Variants in FAM13B observed in about 807,000 individuals in gnomAD.
FAM13B encodes the protein family with sequence similarity 13 member B.
In FAM13B, 60 loss-of-function variants were observed where a neutral mutation model predicts 117.3. The observed-to-expected ratio is 0.51, with a 90% confidence interval of 0.42 to 0.63. FAM13B has a LOEUF of 0.63. Ranked by LOEUF, FAM13B falls within the 30% of genes least tolerant of loss-of-function variation. The pLI is 0.00. For synonymous variants in FAM13B, 332 were observed against 356.1 expected (o/e 0.93, Z 0.76); for missense variants, 972 against 1,091.9 (o/e 0.89, Z 1.55).
At chr5:138,020,934 A>G (rs2150985906) in intron 2 of FAM13B, 97 bp downstream of exon 2, 1 of 788,178 alleles carries the variant, frequency 1.3e-6, no homozygotes, top group East Asian at 3.4e-5. Context: ...TAAGAACTAT[A>G]AAACCTCAAG....
At chr5:137,953,866 A>AATAC (rs1469110028) in intron 15 of FAM13B, among the ~76,000 whole-genome samples, 1 of 152,224 alleles carries the variant, frequency 6.6e-6, no homozygotes, top group African/African-American at 2.4e-5. Context: ...TTCAGCGATG[A>AATAC]ATACATAAAT....
At chr5:138,046,040 A>AG (rs1176350161) in intron 1 of FAM13B, among the ~76,000 whole-genome samples, 1 of 152,052 alleles carries the variant, frequency 6.6e-6, no homozygotes, top group African/African-American at 2.4e-5. Context: ...GGAGGGATGC[A>AG]GTGGGAAGTA....
intron 1 of FAM13B, among the ~76,000 whole-genome samples, chr5:138,041,101 C>A (rs901720075): frequency 6.6e-6 from 1 of 150,606 alleles, no homozygotes; most frequent in African/African-American, 2.4e-5. Flanking sequence ...AGACACTAAT[C>A]TTCAAAGAAA....
At position 137,952,714 on chromosome 5, in the gene FAM13B, A is replaced by G; in HGVS notation, c.1849-5T>C. On this transcript the variant is annotated splice_region_variant and splice_polypyrimidine_tract_variant and intron_variant, in intron 16 of 23. Transcript: ENST00000689681. ...AGCAATATCACTGTAGGAGGGCTGAAAAATTATGGAGCAGAATCACTGACA... is the reference window on the plus strand; with the variant it reads ...AGCAATATCACTGTAGGAGGGCTGAGAAATTATGGAGCAGAATCACTGACA... 6.4e-7 allele frequency: 1 copy of G among 1,574,266 alleles called. No individual in the cohort carries two copies.
rs146777792 is a variant in FAM13B, at chr5:138,015,273, G to A, written c.370+3029C>T. On this transcript the variant is annotated intron_variant, in intron 4 of 23. Coordinates refer to ENST00000689681, the MANE Select transcript of FAM13B (RefSeq NM_001385994.1). ...AAAAGGTTTAACCACACCAGTGGATGCACTGTCCAGCTACCACAGAAAAAT... is the reference window on the plus strand; with the variant it reads ...AAAAGGTTTAACCACACCAGTGGATACACTGTCCAGCTACCACAGAAAAAT... Among the ~76,000 whole-genome samples the A allele has an allele frequency of 3.5e-3, 532 of 152,338 alleles. 4 individuals carry two copies. The highest frequency in any genetic ancestry group is 0.012 in the African/African-American group (509 of 41,576).
intron 1 of FAM13B, 108 bp downstream of exon 1, chr5:138,032,674 A>G (rs1300058526): frequency 2.1e-6 from 2 of 964,298 alleles, no homozygotes; most frequent in East Asian, 2.3e-4. Flanking sequence ...GCAACGCCCG[A>G]GAGCAGGCGC....
At chr5:138,028,061 C>G (rs1485096009) in intron 1 of FAM13B, among the ~76,000 whole-genome samples, 1 of 152,156 alleles carries the variant, frequency 6.6e-6, no homozygotes. Context: ...AGGAAAACAC[C>G]AAATCACTTA....
chr5:138,023,115 T>C (rs550014286), intron 1 of FAM13B, among the ~76,000 whole-genome samples: 2 of 152,272 alleles, frequency 1.3e-5, no homozygotes, highest in East Asian at 3.9e-4. Context: ...CAGGAGCCTA[T>C]TATCTCATCT....
chr5:138,041,218 A>G (rs77854181), intron 1 of FAM13B, among the ~76,000 whole-genome samples: 1 of 152,370 alleles, frequency 6.6e-6, no homozygotes, highest in African/African-American at 2.4e-5. Flanking sequence ...TCCAGAAGGA[A>G]GATCCAAAAT....
rs776069945 is a variant in FAM13B at position 138,019,006 on chromosome 5, T to A, written c.106A>T (p.Asn36Tyr). The A allele has an allele frequency of 1.2e-6, 2 of 1,614,152 alleles. No homozygotes were observed. Among genetic ancestry groups the A allele is most frequent in the South Asian group, 2.2e-5 (2 of 91,086 alleles). ...DELQQGGHPD[N>Y]EVPFIVRHVV... ...TGGCGGACTATGAATGGAACCTCAT[T>A]GTCTGGATGTCCTCCCTGCTGCAGC... The change falls in exon 3 of 24, where the codon AAT becomes TAT. Residue 36 changes from asparagine (N) to tyrosine (Y), a missense_variant. Transcript: ENST00000689681.
intron 1 of FAM13B, among the ~76,000 whole-genome samples, chr5:138,043,689 C>T (rs1395318104): frequency 1.3e-5 from 2 of 152,076 alleles, no homozygotes; most frequent in South Asian, 2.1e-4. Flanking sequence ...CCGCCTGCCT[C>T]GGCCTCCCAA....
chr5:137,978,679 A>C (rs1034653689), intron 10 of FAM13B, among the ~76,000 whole-genome samples: 1 of 152,052 alleles, frequency 6.6e-6, no homozygotes, highest in Admixed American at 6.6e-5. Flanking sequence ...GACATTCCCA[A>C]CTGCTATGGT....
At chr5:138,023,829 G>T (rs1407741204) in intron 1 of FAM13B, among the ~76,000 whole-genome samples, 1 of 152,166 alleles carries the variant, frequency 6.6e-6, no homozygotes, top group African/African-American at 2.4e-5. Flanking sequence ...CAAGGTCCTG[G>T]GATTACAGGC....
intron 7 of FAM13B, among the ~76,000 whole-genome samples, chr5:137,988,828 C>T (rs1278893870): frequency 2.0e-5 from 3 of 152,154 alleles, no homozygotes; most frequent in South Asian, 2.1e-4. Context: ...GATGATGAAC[C>T]TAATTTTCTA....
intron 10 of FAM13B, among the ~76,000 whole-genome samples, chr5:137,966,946 G>A (rs910313657): frequency 6.6e-6 from 1 of 152,146 alleles, no homozygotes; most frequent in African/African-American, 2.4e-5. Context: ...ACAAACAGCT[G>A]AATCTGCTCT....
At position 137,939,426 on chromosome 5, in the gene FAM13B, G is replaced by A. The variant is rs3777118; in HGVS notation, c.*799C>T. 0.74 allele frequency: 112,682 copies of A among 152,614 alleles called. 42,256 individuals carry two copies. Among genetic ancestry groups the A allele is most frequent in the East Asian group, 0.97 (5,019 of 5,186 alleles). The allele number at this position is 152,614 out of a possible 1,614,324, so 9.5% of individuals were successfully genotyped here. A position where few individuals can be genotyped will look rare whatever the true frequency, so the allele number is the denominator to read the frequency against. ...ATCTGGAGGTGGGTTGGGGAATAGC[G>A]CGGATCTGATCCAGACAAATCACAC... On this transcript the variant is annotated 3_prime_UTR_variant, in exon 24 of 24. Coordinates refer to ENST00000689681, the MANE Select transcript of FAM13B (RefSeq NM_001385994.1).
At chr5:137,957,617 G>T (rs2150261892) in intron 13 of FAM13B, among the ~76,000 whole-genome samples, 1 of 150,894 alleles carries the variant, frequency 6.6e-6, no homozygotes, top group South Asian at 2.1e-4. Flanking sequence ...AAAGTTAGAA[G>T]AAACAACATG....
At chr5:137,969,816 G>T (rs1771457395) in intron 10 of FAM13B, among the ~76,000 whole-genome samples, 3 of 152,150 alleles carry the variant, frequency 2.0e-5, no homozygotes, top group African/African-American at 7.2e-5. Context: ...GAAGAATGCA[G>T]AAGCCTCAGG....
At chr5:138,044,779 T>C (rs1791597479) in intron 1 of FAM13B, among the ~76,000 whole-genome samples, 1 of 152,172 alleles carries the variant, frequency 6.6e-6, no homozygotes, top group Non-Finnish European at 1.5e-5. Flanking sequence ...AAATAAATTT[T>C]AAATTTTTTA....
Sources: gnomAD v4.1 joint callset for allele counts (sites outside exome capture counted in the v4.1 genomes callset) on GRCh38, gnomAD v4.1.1 for gene constraint, MANE v1.5 for transcripts, NCBI Gene and HGNC (gene_info 2026-07-23, HGNC 2026-07-21) for gene names.